The following PCDHA4 variants were observed in gnomAD, a reference collection of about 807,000 sequenced individuals.
PCDHA4 encodes the protein protocadherin alpha-4.
PCDHA4 carries 49 observed loss-of-function variants against 61.4 expected under a neutral mutation model. The observed-to-expected ratio is 0.80, with a 90% confidence interval of 0.63 to 1.01. The LOEUF (loss-of-function observed/expected upper bound fraction) is 1.01. PCDHA4 is among the 50% of genes least tolerant of loss of function. The probability of loss-of-function intolerance (pLI) is 0.00; values close to 1 mark genes in which losing one functional copy is unlikely to be tolerated. For missense variants in PCDHA4, 1,254 were observed against 1,235.8 expected (o/e 1.01, Z -0.22); for synonymous variants, 590 against 550.3 (o/e 1.07, Z -1.01).
At chr5:140,995,936 T>C (rs1554254905) in intron 3 of PCDHA4, among the ~76,000 whole-genome samples, 1 of 152,220 alleles carries the variant, frequency 6.6e-6, no homozygotes, top group Non-Finnish European at 1.5e-5. Context: ...AAGTATTAAA[T>C]GACATAATGC....
chr5:140,977,335 A>T (rs1341928835), intron 1 of PCDHA4, among the ~76,000 whole-genome samples: 19 of 152,322 alleles, frequency 1.2e-4, no homozygotes, highest in Admixed American at 1.1e-3. Context: ...GAGGGGAGAG[A>T]CGGTGATGAT....
chr5:140,842,791 G>C (rs1554139385), intron 1 of PCDHA4: 1 of 1,594,368 alleles, frequency 6.3e-7, no homozygotes, highest in Non-Finnish European at 8.6e-7. Context: ...ACGCGCTGGT[G>C]TCCTACTCGC....
At chr5:140,917,326 G>GT (rs1425389614) in intron 1 of PCDHA4, among the ~76,000 whole-genome samples, 1 of 149,490 alleles carries the variant, frequency 6.7e-6, no homozygotes, top group Non-Finnish European at 1.5e-5. Flanking sequence ...TCATGTGGCG[G>GT]GGGAGGGGGG....
At chr5:140,939,350 A>G (rs2153641006) in intron 1 of PCDHA4, among the ~76,000 whole-genome samples, 1 of 152,266 alleles carries the variant, frequency 6.6e-6, no homozygotes, top group East Asian at 1.9e-4. Context: ...ATTTCAACTT[A>G]TGATTGCAAA....
intron 3 of PCDHA4, among the ~76,000 whole-genome samples, chr5:140,984,830 T>C (rs2097123075): frequency 6.6e-6 from 1 of 152,220 alleles, no homozygotes; most frequent in South Asian, 2.1e-4. Context: ...TTACCCTTTC[T>C]GTAAATTGGG....
At chr5:140,968,116 A>C in intron 1 of PCDHA4, 1 of 1,614,174 alleles carries the variant, frequency 6.2e-7, no homozygotes, top group South Asian at 1.1e-5. Context: ...CGCAGCTCAC[A>C]TCCCTGCGTA....
rs782721399 is a variant in PCDHA4, at chr5:140,807,306, A to G, written c.119A>G (p.Lys40Arg). Residue 40 changes from lysine to arginine, a missense_variant, in exon 1 of 4, where the codon AAA becomes AGA. Coordinates refer to ENST00000530339, the MANE Select transcript of PCDHA4 (RefSeq NM_018907.4). The stretch of plus-strand genomic sequence containing the variant: ...CACTACTCGGTCTCCGAGGAGGCCA[A>G]ACACGGCACCTTCGTGGGCCGCATC... ...QLHYSVSEEA[K>R]HGTFVGRIAQ... 2 of 1,614,120 alleles carry G rather than the reference A, an allele frequency of 1.2e-6. No homozygotes were observed. Among genetic ancestry groups the G allele is most frequent in the Admixed American group, 1.7e-5 (1 of 60,022 alleles).
At chr5:140,916,539 A>G (rs114063131) in intron 1 of PCDHA4, among the ~76,000 whole-genome samples, 1,727 of 152,262 alleles carry the variant, frequency 0.011, 30 homozygotes, top group African/African-American at 0.038. Context: ...CACCAAGGCA[A>G]TGGGTTTTCT....
chr5:140,811,342 C>T (rs1455461723), intron 1 of PCDHA4: 1 of 152,156 alleles, frequency 6.6e-6, no homozygotes, highest in Admixed American at 6.5e-5. Flanking sequence ...ATGAACTCAC[C>T]CTTTTTTACG....
At chr5:140,892,265 T>A (rs1285445395) in intron 1 of PCDHA4, among the ~76,000 whole-genome samples, 3 of 152,240 alleles carry the variant, frequency 2.0e-5, no homozygotes, top group African/African-American at 7.2e-5. Context: ...GATTTTGTGC[T>A]GAAAGTTGTA....
Position 140,809,214 on chromosome 5 carries a change from C to T in PCDHA4, c.2027C>T (p.Pro676Leu). ...LVSLVESGQA[P>L]KASSRALVGA... ...TCACTTGTGGAGAGTGGACAGGCGCCAAAGGCCTCCTCACGGGCGTTGGTG... is the reference window on the plus strand; with the variant it reads ...TCACTTGTGGAGAGTGGACAGGCGCTAAAGGCCTCCTCACGGGCGTTGGTG... Residue 676 changes from proline (P) to leucine (L), a missense_variant, in exon 1 of 4, where the codon CCA becomes CTA. Transcript: ENST00000530339. 1.2e-6 allele frequency: 2 copies of T among 1,614,068 alleles called. No homozygotes were observed. The highest frequency in any genetic ancestry group is 1.7e-6 in the Non-Finnish European group (2 of 1,179,952).
chr5:140,871,712 A>G, intron 1 of PCDHA4: 1 of 805,086 alleles, frequency 1.2e-6, no homozygotes, highest in South Asian at 2.2e-5. Context: ...TAAATGTCCT[A>G]TTTCTCTTAA....
At chr5:140,835,706 G>A in intron 1 of PCDHA4, 1 of 1,613,896 alleles carries the variant, frequency 6.2e-7, no homozygotes, top group Non-Finnish European at 8.5e-7. Context: ...CTGCTAGCGT[G>A]TCCGTGGAGG....
intron 1 of PCDHA4, chr5:140,869,581 GC>G: frequency 6.2e-7 from 1 of 1,614,134 alleles, no homozygotes; most frequent in Non-Finnish European, 8.5e-7. Flanking sequence ...AGCTTCTGAT[GC>G]TGACATTGAA....
intron 3 of PCDHA4, among the ~76,000 whole-genome samples, chr5:140,997,576 G>A (rs528258685): frequency 5.9e-5 from 9 of 152,166 alleles, no homozygotes; most frequent in African/African-American, 2.4e-5. Flanking sequence ...TGTGTGGTCC[G>A]TTGTTGACTG....
At chr5:140,850,732 G>C (rs1320738084) in intron 1 of PCDHA4, 1 of 1,597,956 alleles carries the variant, frequency 6.3e-7, no homozygotes, top group Non-Finnish European at 8.6e-7. Flanking sequence ...AGCGCGGTGG[G>C]GAGTTGGTCG....
intron 1 of PCDHA4, chr5:140,875,436 A>G (rs782083459): frequency 6.4e-7 from 1 of 1,564,660 alleles, no homozygotes; most frequent in Non-Finnish European, 8.6e-7. Flanking sequence ...ATCCCTTAAA[A>G]CTGATTGTCC....
rs1299546647 is a variant in PCDHA4 at position 140,935,314 on chromosome 5, A to T, written c.2386-43635A>T. 2.0e-5 allele frequency among the ~76,000 whole-genome samples: 3 copies of T among 152,208 alleles called. No homozygotes were observed. In the East Asian group the frequency reaches 5.8e-4, roughly 29 times the overall value. ...TCCGAGGTTTTTACTTAACTTCATC[A>T]ATCTTACATTCCTATTTCTCCCATA... On this transcript the variant is annotated intron_variant, in intron 1 of 3. Transcript: ENST00000530339.
chr5:140,829,961 G>A (rs1770713142), intron 1 of PCDHA4: 5 of 1,613,876 alleles, frequency 3.1e-6, no homozygotes, highest in African/African-American at 2.7e-5. Flanking sequence ...CCCGTTTCGC[G>A]TGGGGCTGTA....
Sources: gnomAD v4.1 joint callset for allele counts (sites outside exome capture counted in the v4.1 genomes callset) on GRCh38, gnomAD v4.1.1 for gene constraint, MANE v1.5 for transcripts, NCBI Gene and HGNC (gene_info 2026-07-23, HGNC 2026-07-21) for gene names.